The following HNF1B variants were observed in gnomAD, a reference collection of about 807,000 sequenced individuals.
HNF1B encodes hepatocyte nuclear factor 1-beta.
In HNF1B, 8 loss-of-function variants were observed where a neutral mutation model predicts 61.7. The observed-to-expected ratio is 0.13, with a 90% CI of 0.08 to 0.23. The LOEUF is 0.23. Ranked by LOEUF, HNF1B falls within the 10% of genes least tolerant of loss-of-function variation. The pLI is 1.00. For synonymous variants in HNF1B, 314 were observed against 287.7 expected (o/e 1.09, Z -0.93); for missense variants, 562 against 714.5 (o/e 0.79, Z 2.43).
intron 2 of HNF1B, among the ~76,000 whole-genome samples, chr17:37,735,050 A>G (rs1430937338): frequency 3.9e-5 from 6 of 152,112 alleles, no homozygotes; most frequent in Non-Finnish European, 1.5e-5. Flanking sequence ...TCAGCCTCCC[A>G]AAGTGCAGGG....
chr17:37,741,993 T>TTTTG (rs1272143681), intron 1 of HNF1B, among the ~76,000 whole-genome samples: 11 of 152,108 alleles, frequency 7.2e-5, no homozygotes, highest in Non-Finnish European at 1.6e-4. Flanking sequence ...AGCTGGTTAT[T>TTTTG]TTTGTTTGTT....
intron 5 of HNF1B, among the ~76,000 whole-genome samples, chr17:37,706,349 G>A (rs2032748343): frequency 1.3e-5 from 2 of 152,018 alleles, no homozygotes; most frequent in Admixed American, 1.3e-4. Context: ...AACCCCGAGA[G>A]GTGCTTTAGG....
At chr17:37,735,837 C>A (rs2033817407) in intron 2 of HNF1B, among the ~76,000 whole-genome samples, 1 of 152,212 alleles carries the variant, frequency 6.6e-6, no homozygotes, top group Non-Finnish European at 1.5e-5. Context: ...TAGCTCACTG[C>A]AGCCTTGACC....
intron 6 of HNF1B, among the ~76,000 whole-genome samples, chr17:37,703,135 A>G (rs2032626314): frequency 6.6e-6 from 1 of 152,236 alleles, no homozygotes; most frequent in Non-Finnish European, 1.5e-5. Flanking sequence ...AGATGCCTGC[A>G]ACCAGTTTCT....
chr17:37,737,220 T>C (rs1181323999), intron 2 of HNF1B, among the ~76,000 whole-genome samples: 4 of 152,230 alleles, frequency 2.6e-5, no homozygotes, highest in Non-Finnish European at 5.9e-5. Flanking sequence ...ATATCATGCT[T>C]GCATGTCTTA....
In HNF1B at chr17:37,739,499, G is replaced by A. The variant is rs1286340063; in HGVS notation, c.485C>T (p.Thr162Ile). 1 of 1,614,058 alleles carries A rather than the reference G, an allele frequency of 6.2e-7. No homozygotes were observed. Among genetic ancestry groups the A allele is most frequent in the Non-Finnish European group, 8.5e-7 (1 of 1,180,036 alleles). Residue 162 changes from threonine (T) to isoleucine (I), a missense_variant, in exon 2 of 9, where the codon ACC (threonine) becomes ATC (isoleucine). Around this residue, in one of 6 missense-constraint regions of HNF1B, gnomAD observed 16 missense variants for 66.3 expected, o/e 0.24. Transcript: ENST00000617811. ...GGTGTACAGAGCGGCACGCTTCTGG[G>A]TCTTCATAGGGGTGCCCTTGTTGAG... is the stretch of plus-strand genomic sequence containing the variant. ...QHLNKGTPMK[T>I]QKRAALYTWY...
Position 37,687,321 on chromosome 17 carries a change from G to A in HNF1B, c.*51C>T, listed in dbSNP as rs905024056. On this transcript the variant is annotated 3_prime_UTR_variant, in exon 9 of 9. Coordinates refer to ENST00000617811, the MANE Select transcript of HNF1B (RefSeq NM_000458.4). ...TGACAGCTGCCCAGAGGGTGATGGT[G>A]TGGAAAACAGGGTCCTTGTTGTTGC... 6.2e-7 allele frequency: 1 copy of A among 1,613,980 alleles called. No homozygotes were observed. Among genetic ancestry groups the A allele is most frequent in the African/African-American group, 1.3e-5 (1 of 74,944 alleles).
intron 1 of HNF1B, among the ~76,000 whole-genome samples, chr17:37,743,028 A>G (rs1421071215): frequency 2.0e-5 from 3 of 152,126 alleles, no homozygotes; most frequent in African/African-American, 7.2e-5. Flanking sequence ...AAATAAATTA[A>G]TAACACCCCA....
chr17:37,741,998 T>C (rs767302405), intron 1 of HNF1B, among the ~76,000 whole-genome samples: 24 of 152,186 alleles, frequency 1.6e-4, no homozygotes, highest in Admixed American at 3.3e-4. Context: ...GTTATTTTTG[T>C]TTGTTTGTTT....
intron 5 of HNF1B, among the ~76,000 whole-genome samples, chr17:37,709,975 TCG>T (rs1293647746): frequency 6.6e-6 from 1 of 152,246 alleles, no homozygotes; most frequent in Non-Finnish European, 1.5e-5. Flanking sequence ...GCTGTGATCT[TCG>T]CTGTCATGGT....
chr17:37,737,995 C>T (rs926537164), intron 2 of HNF1B, among the ~76,000 whole-genome samples: 2 of 152,232 alleles, frequency 1.3e-5, no homozygotes, highest in African/African-American at 2.4e-5. Flanking sequence ...TTCCTGCCTC[C>T]TTCTCCTTTC....
chr17:37,701,058 T>C lies in HNF1B; in HGVS notation c.1459A>G (p.Met487Val). 6.4e-7 allele frequency: 1 copy of C among 1,555,344 alleles called. No homozygotes were observed. Among genetic ancestry groups the C allele is most frequent in the South Asian group, 1.2e-5 (1 of 84,344 alleles). ...ATGTGGCTGCCTGGGCTCTGCTGCA[T>C]GAGGGGCTGCTGGTGAGGGCTGTGC... ...QLHSPHQQPL[M>V]QQSPGSHMAQ... The change falls in exon 7 of 9, where the codon ATG (methionine) becomes GTG (valine). Residue 487 changes from methionine to valine, a missense_variant. Physicochemically the swap from Met to Val is conservative, Grantham distance 21 (BLOSUM62 1). Transcript: ENST00000617811.
At chr17:37,718,396 G>A (rs577664099) in intron 4 of HNF1B, among the ~76,000 whole-genome samples, 2 of 152,358 alleles carry the variant, frequency 1.3e-5, no homozygotes, top group Non-Finnish European at 2.9e-5. Flanking sequence ...GTAGGTAAAA[G>A]GAACCAGCCT....
intron 4 of HNF1B, among the ~76,000 whole-genome samples, chr17:37,727,998 G>GA (rs987214828): frequency 6.7e-6 from 1 of 148,398 alleles, no homozygotes. Flanking sequence ...TTTTTTTGTT[G>GA]TTTTTTTTTT....
intron 8 of HNF1B, among the ~76,000 whole-genome samples, chr17:37,693,804 T>A (rs1164767057): frequency 1.3e-5 from 2 of 152,238 alleles, no homozygotes; most frequent in Non-Finnish European, 2.9e-5. Context: ...CCCTTATGAA[T>A]GGCTCAGCGC....
intron 3 of HNF1B, among the ~76,000 whole-genome samples, 163 bp downstream of exon 3, chr17:37,733,394 G>T (rs976567408): frequency 3.6e-4 from 55 of 152,278 alleles, no homozygotes; most frequent in African/African-American, 1.3e-3. Flanking sequence ...CAGACTTACT[G>T]ATTAATGAAT....
intron 1 of HNF1B, 34 bp from the exon 2 acceptor site, chr17:37,739,673 G>A (rs779247397): frequency 6.5e-6 from 10 of 1,533,958 alleles, no homozygotes; most frequent in Non-Finnish European, 8.1e-6. Flanking sequence ...GGGTACTAGT[G>A]GGAGACATCT....
At chr17:37,718,214 T>C (rs186571776) in intron 4 of HNF1B, among the ~76,000 whole-genome samples, 29 of 152,262 alleles carry the variant, frequency 1.9e-4, no homozygotes, top group Middle Eastern at 3.4e-3. Flanking sequence ...ACATGCATGG[T>C]GCACTTGAAA....
intron 3 of HNF1B, among the ~76,000 whole-genome samples, chr17:37,732,867 G>T (rs1273218845): frequency 1.3e-5 from 2 of 150,444 alleles, no homozygotes; most frequent in Non-Finnish European, 3.0e-5. Flanking sequence ...TTTAAATAGA[G>T]ATAGGGTTTC....
Sources: gnomAD v4.1 joint callset for allele counts (sites outside exome capture counted in the v4.1 genomes callset) on GRCh38, gnomAD v4.1.1 for gene constraint, gnomAD v4.1.1 regional missense constraint, MANE v1.5 for transcripts, NCBI Gene and HGNC (gene_info 2026-07-23, HGNC 2026-07-21) for gene names.